The following TENM2 variants were observed in gnomAD, a reference collection of about 807,000 sequenced individuals.
TENM2 encodes the protein teneurin-2.
TENM2 carries 52 observed loss-of-function variants against 245.2 expected under a neutral mutation model. That is an observed-to-expected ratio of 0.21 (90% CI 0.17 to 0.27). The LOEUF is 0.27. Ranked by LOEUF, TENM2 falls within the 10% of genes least tolerant of loss-of-function variation. The pLI is 1.00. For synonymous variants in TENM2, 1,363 were observed against 1,438.9 expected (o/e 0.95, Z 1.19); for missense variants, 3,046 against 3,666.8 (o/e 0.83, Z 4.37).
chr5:167,573,660 C>T (rs556609744), intron 2 of TENM2, among the ~76,000 whole-genome samples: 1 of 152,156 alleles, frequency 6.6e-6, no homozygotes, highest in South Asian at 2.1e-4. Context: ...TCTGTTCTTA[C>T]ACTCAAGCCT....
intron 9 of TENM2, among the ~76,000 whole-genome samples, chr5:168,112,790 C>CTGGCCTCCA (rs1794784373): frequency 6.6e-6 from 1 of 152,078 alleles, no homozygotes; most frequent in South Asian, 2.1e-4. Context: ...CTTTGTTTGC[C>CTGGCCTCCA]TGGCCTCCAT....
At chr5:168,044,168 C>T (rs1435077108) in intron 5 of TENM2, among the ~76,000 whole-genome samples, 1 of 152,164 alleles carries the variant, frequency 6.6e-6, no homozygotes, top group Non-Finnish European at 1.5e-5. Flanking sequence ...GTAATCCCAG[C>T]ACTTTGGGAG....
At chr5:167,324,385 G>A (rs1756957240) in intron 1 of TENM2, among the ~76,000 whole-genome samples, 1 of 152,186 alleles carries the variant, frequency 6.6e-6, no homozygotes, top group South Asian at 2.1e-4. Flanking sequence ...GAAGCAACAT[G>A]TAGTTCTTCA....
Position 167,457,637 on chromosome 5 carries a change from C to T in TENM2, c.502+82164C>T, listed in dbSNP as rs1412307524. Among the ~76,000 whole-genome samples, 15 of 152,168 alleles carry T rather than the reference C, an allele frequency of 9.9e-5. No homozygotes were observed. The South Asian group carries it at 2.7e-3, about 27-fold the overall frequency. Reference sequence around the variant, plus strand: ...CTGGGATTACAGGCATGAGCTACCACGCCCGACCAGCCTTCTGCTTTTAAA... The same window carrying T: ...CTGGGATTACAGGCATGAGCTACCATGCCCGACCAGCCTTCTGCTTTTAAA... On this transcript the variant is annotated intron_variant, in intron 2 of 28. Coordinates refer to ENST00000518659, the Ensembl canonical transcript of TENM2.
At chr5:167,082,584 C>T in the TENM2 span, among the ~76,000 whole-genome samples, 1 of 152,084 alleles carries the variant, frequency 6.6e-6, no homozygotes, top group Admixed American at 6.6e-5. Flanking sequence ...CATACACAGC[C>T]GAAGTGAGAT....
chr5:168,233,269 G>T (rs10068509), intron 25 of TENM2, among the ~76,000 whole-genome samples: 4,447 of 152,102 alleles, frequency 0.029, 189 homozygotes, highest in African/African-American at 0.1. Context: ...GAGGTTGCAG[G>T]GAGCCAAGAT....
the TENM2 span, among the ~76,000 whole-genome samples, chr5:167,052,890 A>T: frequency 6.6e-6 from 1 of 152,078 alleles, no homozygotes; most frequent in African/African-American, 2.4e-5. Flanking sequence ...AAGCTCAGTG[A>T]CATTCATGTT....
intron 1 of TENM2, among the ~76,000 whole-genome samples, chr5:167,353,754 G>T (rs1446338195): frequency 6.6e-6 from 1 of 151,926 alleles, no homozygotes; most frequent in East Asian, 2.0e-4. Context: ...TGATCCGCCC[G>T]CCTCGGCCTC....
chr5:167,875,723 G>A (rs1194121886), intron 2 of TENM2, among the ~76,000 whole-genome samples: 1 of 152,032 alleles, frequency 6.6e-6, no homozygotes, highest in Non-Finnish European at 1.5e-5. Context: ...GAAACTGGAT[G>A]GTTGCTAGAC....
At chr5:167,931,379 A>G (rs191719436) in intron 3 of TENM2, among the ~76,000 whole-genome samples, 19 of 152,138 alleles carry the variant, frequency 1.2e-4, no homozygotes, top group African/African-American at 4.1e-4. Context: ...CGGGTTGGGA[A>G]AGCCTAATTC....
intron 6 of TENM2, among the ~76,000 whole-genome samples, chr5:168,047,873 G>A (rs1366016435): frequency 6.6e-6 from 1 of 152,066 alleles, no homozygotes; most frequent in African/African-American, 2.4e-5. Context: ...AGCCACAGCA[G>A]CAGCTGGAGT....
At chr5:168,038,175 G>A (rs999288372) in intron 5 of TENM2, among the ~76,000 whole-genome samples, 1 of 152,074 alleles carries the variant, frequency 6.6e-6, no homozygotes, top group Non-Finnish European at 1.5e-5. Flanking sequence ...CTGCAAGATG[G>A]GAAAGCATTA....
rs1218290187 is a variant in TENM2 at position 167,727,456 on chromosome 5, C to T, written c.503-148530C>T. 2.0e-5 allele frequency among the ~76,000 whole-genome samples: 3 copies of T among 152,152 alleles called. No individual in the cohort carries two copies. In the East Asian group the frequency reaches 5.8e-4, roughly 29 times the overall value. ...TTGTTTTTCACATGCCTTGTGTCAG[C>T]TCCCCTAGGCATCTACTGAGTCCCA... is the stretch of plus-strand genomic sequence containing the variant. On this transcript the variant is annotated intron_variant, in intron 2 of 28. Transcript: ENST00000518659.
At chr5:167,084,327 TTATA>T in the TENM2 span, among the ~76,000 whole-genome samples, 231 of 23,174 alleles carry the variant, frequency 1.0e-2, 5 homozygotes, top group East Asian at 0.021. Flanking sequence ...GCCATTTTAG[TTATA>T]TATATATATA....
chr5:167,460,035 G>C (rs931936318), intron 2 of TENM2, among the ~76,000 whole-genome samples: 2 of 151,882 alleles, frequency 1.3e-5, no homozygotes, highest in African/African-American at 4.8e-5. Context: ...TGAGTGGAAG[G>C]ATCATATATT....
chr5:167,109,843 G>T, the TENM2 span, among the ~76,000 whole-genome samples: 8 of 152,308 alleles, frequency 5.3e-5, no homozygotes, highest in African/African-American at 1.7e-4. Flanking sequence ...CCTATCTCAA[G>T]TGTGGTCCTT....
intron 2 of TENM2, among the ~76,000 whole-genome samples, chr5:167,460,871 G>T (rs559428838): frequency 6.6e-6 from 1 of 152,044 alleles, no homozygotes; most frequent in Non-Finnish European, 1.5e-5. Context: ...ATCACTTAAG[G>T]ATTGTATGAT....
At chr5:167,107,487 C>T in the TENM2 span, among the ~76,000 whole-genome samples, 1,649 of 152,182 alleles carry the variant, frequency 0.011, 11 homozygotes, top group Admixed American at 0.016. Context: ...AGAGGGTTAT[C>T]ATTGTATTTC....
At chr5:167,384,684 C>T (rs561079246) in intron 2 of TENM2, among the ~76,000 whole-genome samples, 57 of 144,372 alleles carry the variant, frequency 3.9e-4, no homozygotes, top group South Asian at 2.2e-4. Context: ...CACACAGATA[C>T]AGCGCGTGCA....
Sources: gnomAD v4.1 joint callset for allele counts (sites outside exome capture counted in the v4.1 genomes callset) on GRCh38, gnomAD v4.1.1 for gene constraint, MANE v1.5 for transcripts, NCBI Gene and HGNC (gene_info 2026-07-23, HGNC 2026-07-21) for gene names.